The following LPA variants were observed in gnomAD, a reference collection of about 807,000 sequenced individuals.
LPA encodes lipoprotein(a), also known as apolipoprotein(a).
In LPA, 199 loss-of-function variants were observed where a neutral mutation model predicts 197.9. That is an observed-to-expected ratio of 1.01 (90% CI 0.90 to 1.13). The LOEUF is 1.13. LPA is among the 50% of genes most tolerant of loss of function. LPA has a pLI of 0.00. For synonymous variants in LPA, 715 were observed against 639.5 expected, an observed-to-expected ratio of 1.12 and a Z score of -1.78; for missense variants, 1,853 against 1,785.8, an observed-to-expected ratio of 1.04 and a Z score of -0.68.
chr6:160,565,071 G>C (rs1778427441), intron 28 of LPA, among the ~76,000 whole-genome samples: 1 of 152,352 alleles, frequency 6.6e-6, no homozygotes, highest in Non-Finnish European at 1.5e-5. Flanking sequence ...AGACCTGCCT[G>C]CCTCTGTAGA....
chr6:160,598,835 T>C (rs1159483657), intron 20 of LPA, among the ~76,000 whole-genome samples: 2 of 152,168 alleles, frequency 1.3e-5, no homozygotes, highest in Non-Finnish European at 2.9e-5. Context: ...TGACCCAAGA[T>C]GCAAAAGGCC....
chr6:160,647,670 C>A (rs1779923334), intron 2 of LPA, among the ~76,000 whole-genome samples: 1 of 152,182 alleles, frequency 6.6e-6, no homozygotes, highest in Admixed American at 6.5e-5. Context: ...TTTGAACCCA[C>A]ACATTAACCT....
intron 26 of LPA, among the ~76,000 whole-genome samples, chr6:160,583,941 T>C (rs1162485625): frequency 6.6e-6 from 1 of 152,196 alleles, no homozygotes; most frequent in Non-Finnish European, 1.5e-5. Context: ...AGTTTTTCCA[T>C]ATTATTCATA....
chr6:160,546,886 A>T (rs1778080207), intron 32 of LPA, among the ~76,000 whole-genome samples: 1 of 152,176 alleles, frequency 6.6e-6, no homozygotes, highest in Non-Finnish European at 1.5e-5. Context: ...CAGAGAATGC[A>T]TGAGGCTAAG....
At chr6:160,600,535 C>T (rs1779217730) in intron 19 of LPA, among the ~76,000 whole-genome samples, 4 of 152,134 alleles carry the variant, frequency 2.6e-5, no homozygotes, top group Admixed American at 1.3e-4. Flanking sequence ...ATCTGCAATG[C>T]TGAAGATTGC....
intron 1 of LPA, among the ~76,000 whole-genome samples, chr6:160,651,976 C>A (rs1290891104): frequency 4.7e-5 from 7 of 148,870 alleles, no homozygotes; most frequent in African/African-American, 1.7e-4. Context: ...TCTACTAGAA[C>A]TTATCCAAAC....
At chr6:160,573,669 T>G (rs1251713328) in intron 28 of LPA, among the ~76,000 whole-genome samples, 1 of 152,204 alleles carries the variant, frequency 6.6e-6, no homozygotes, top group Non-Finnish European at 1.5e-5. Flanking sequence ...TCCTGTGAGC[T>G]GAACTGCAGT....
At chr6:160,609,658 T>C (rs1177986089) in intron 16 of LPA, among the ~76,000 whole-genome samples, 1 of 152,136 alleles carries the variant, frequency 6.6e-6, no homozygotes, top group East Asian at 1.9e-4. Context: ...CCCTTGCTCT[T>C]TACTGTGACT....
intron 16 of LPA, among the ~76,000 whole-genome samples, chr6:160,610,992 C>A (rs11961303): frequency 0.01 from 1,598 of 152,202 alleles, 40 homozygotes; most frequent in African/African-American, 0.037. Context: ...TTTCAGCATC[C>A]CTCTCTGTGC....
In LPA at chr6:160,599,663, A is replaced by T; in HGVS notation, c.3128-4T>A. The T allele has an allele frequency of 6.2e-7, 1 of 1,614,020 alleles. No homozygotes were observed. On this transcript the variant is annotated splice_polypyrimidine_tract_variant and splice_region_variant and intron_variant, in intron 19 of 38. Transcript: ENST00000316300. The stretch of plus-strand genomic sequence containing the variant: ...CCGGGGGTTTCCTCAGTCAGTGCTG[A>T]AATTAAAACAGAAGACATCAAGCTT...
chr6:160,643,083 A>AGG, intron 4 of LPA, among the ~76,000 whole-genome samples: 1 of 131,152 alleles, frequency 7.6e-6, no homozygotes, highest in Admixed American at 7.8e-5. Context: ...GTGTGTTTTC[A>AGG]GTGTGTGTGT....
chr6:160,570,413 C>G (rs1159282580), intron 28 of LPA, among the ~76,000 whole-genome samples: 13 of 152,084 alleles, frequency 8.5e-5, no homozygotes, highest in Non-Finnish European at 1.6e-4. Flanking sequence ...AATGTTCTCA[C>G]TCATAGGTGG....
At position 160,531,774 on chromosome 6, in the gene LPA, A is replaced by G. The variant is rs1777810025; in HGVS notation, c.6078T>C (p.Val2026=). The change falls in exon 39 of 39, where the codon GTT becomes GTC. Residue 2026 remains valine, a synonymous_variant. Transcript: ENST00000316300. The part of the protein sequence containing the change: ...RPNKPGVYAR[V]SRFVTWIEGM... ...CCTCAATCCAAGTAACAAACCTTGA[A>G]ACACGAGCATAGACACCAGGCTTAT... 6.2e-7 allele frequency: 1 copy of G among 1,614,150 alleles called. No homozygotes were observed. The highest frequency in any genetic ancestry group is 1.3e-5 in the African/African-American group (1 of 75,032).
At position 160,589,660 on chromosome 6, in the gene LPA, C is replaced by G. The variant is rs1322500917; in HGVS notation, c.3840G>C (p.Gln1280His). The change falls in exon 24 of 39, where the codon CAG becomes CAC. Residue 1280 changes from glutamine to histidine, a missense_variant. Transcript: ENST00000316300. Reference sequence around the variant, plus strand: ...TGGTGGAGAATGAGCCTCGATAACTCTGTCCATCACCATGGTAGCAGTCCT... The same window carrying G: ...TGGTGGAGAATGAGCCTCGATAACTGTGTCCATCACCATGGTAGCAGTCCT... ...TVQDCYHGDGQSYRGSFSTTV... is the reference protein window; with the variant it reads ...TVQDCYHGDGHSYRGSFSTTV... 2 of 1,613,848 alleles carry G rather than the reference C, an allele frequency of 1.2e-6. No individual in the cohort carries two copies. The highest frequency in any genetic ancestry group is 2.7e-5 in the African/African-American group (2 of 74,888).
chr6:160,601,139 C>T lies in LPA; in HGVS notation c.2946-41G>A, dbSNP rs766897670. 5.1e-6 allele frequency: 8 copies of T among 1,581,954 alleles called. No homozygotes were observed. In the East Asian group the frequency reaches 1.6e-4, roughly 31 times the overall value. On this transcript the variant is annotated intron_variant, in intron 18 of 38. Coordinates refer to ENST00000316300, the MANE Select transcript of LPA (RefSeq NM_005577.4). ...GAATACACATCACAAAAAATGGGTA[C>T]ATATGCAGGAACACTGTATATTTTG...
intron 6 of LPA, among the ~76,000 whole-genome samples, chr6:160,635,844 T>C: frequency 1.1e-5 from 1 of 89,560 alleles, no homozygotes; most frequent in Non-Finnish European, 2.3e-5. Context: ...ACTCAATACG[T>C]AGTGAAAAGG....
intron 18 of LPA, 112 bp from the exon 19 acceptor site, chr6:160,601,210 G>T (rs1004733339): frequency 1.1e-6 from 1 of 895,154 alleles, no homozygotes; most frequent in South Asian, 1.4e-5. Flanking sequence ...TCCCAAAAGA[G>T]ATACCATACA....
intron 16 of LPA, among the ~76,000 whole-genome samples, chr6:160,609,009 TAA>T (rs1440345747): frequency 6.6e-6 from 1 of 152,178 alleles, no homozygotes; most frequent in African/African-American, 2.4e-5. Context: ...CTTTTTACAC[TAA>T]GTCTTTAATT....
chr6:160,572,933 T>A (rs1778589047), intron 28 of LPA, among the ~76,000 whole-genome samples: 1 of 152,214 alleles, frequency 6.6e-6, no homozygotes, highest in Non-Finnish European at 1.5e-5. Context: ...TTGTGCTGCT[T>A]GTATTTACAT....
Sources: gnomAD v4.1 joint callset for allele counts (sites outside exome capture counted in the v4.1 genomes callset) on GRCh38, gnomAD v4.1.1 for gene constraint, MANE v1.5 for transcripts, NCBI Gene and HGNC (gene_info 2026-07-23, HGNC 2026-07-21) for gene names.